Variants in CRTC3 observed in about 807,000 individuals in gnomAD.
CRTC3 encodes CREB regulated transcription coactivator 3.
Under a neutral mutation model 74.5 loss-of-function variants are expected in CRTC3, and 26 were observed. The ratio of observed to expected loss-of-function variants is 0.35; its 90% CI spans 0.26 to 0.48. The LOEUF is 0.48. Ranked by LOEUF, CRTC3 falls within the 20% of genes least tolerant of loss-of-function variation. The probability of loss-of-function intolerance (pLI) is 0.99; values close to 1 mark genes in which losing one functional copy is unlikely to be tolerated. For synonymous variants in CRTC3, 377 were observed against 325.8 expected (o/e 1.16, Z -1.69); for missense variants, 760 against 787.3 (o/e 0.97, Z 0.41).
chr15:90,587,906 G>T (rs1019297704), intron 2 of CRTC3, among the ~76,000 whole-genome samples: 2 of 151,546 alleles, frequency 1.3e-5, no homozygotes, highest in African/African-American at 4.8e-5. Context: ...GAGCCACTAT[G>T]CCTGGCTCCC....
At chr15:90,580,665 T>C (rs1433812027) in intron 2 of CRTC3, among the ~76,000 whole-genome samples, 2 of 152,118 alleles carry the variant, frequency 1.3e-5, no homozygotes, top group Non-Finnish European at 2.9e-5. Context: ...TGACCCCAGG[T>C]GATCCACCCG....
chr15:90,597,879 C>A (rs1474420107), intron 3 of CRTC3: 2 of 152,356 alleles, frequency 1.3e-5, no homozygotes, highest in African/African-American at 4.8e-5. Flanking sequence ...CACTCATATC[C>A]TCCCTTACAG....
intron 2 of CRTC3, among the ~76,000 whole-genome samples, chr15:90,571,136 G>A (rs770520358): frequency 1.3e-5 from 2 of 152,174 alleles, no homozygotes; most frequent in Non-Finnish European, 2.9e-5. Flanking sequence ...CTTGATGCTG[G>A]AGATACAATG....
At chr15:90,612,753 C>T (rs10438437) in intron 6 of CRTC3, among the ~76,000 whole-genome samples, 30,577 of 152,072 alleles carry the variant, frequency 0.2, 3,162 homozygotes, top group Middle Eastern at 0.22. Context: ...GTCCTTTTGA[C>T]GTTGCTGGTT....
intron 2 of CRTC3, among the ~76,000 whole-genome samples, chr15:90,555,534 T>C (rs761008191): frequency 6.6e-6 from 1 of 152,204 alleles, no homozygotes; most frequent in Non-Finnish European, 1.5e-5. Flanking sequence ...TTTTTTATTT[T>C]TGAGATGGAG....
intron 14 of CRTC3, 85 bp downstream of exon 14, chr15:90,641,284 A>G: frequency 1.1e-6 from 1 of 946,608 alleles, no homozygotes; most frequent in Non-Finnish European, 1.7e-6. Context: ...AAACAACATA[A>G]TATTATATAA....
intron 2 of CRTC3, among the ~76,000 whole-genome samples, chr15:90,580,629 A>G (rs1967517835): frequency 6.6e-6 from 1 of 151,834 alleles, no homozygotes; most frequent in Non-Finnish European, 1.5e-5. Flanking sequence ...GGGGTTCGTC[A>G]TCTGGCCAGG....
chr15:90,550,946 CAA>C (rs1006539383), intron 2 of CRTC3, among the ~76,000 whole-genome samples: 24 of 152,020 alleles, frequency 1.6e-4, no homozygotes, highest in African/African-American at 5.8e-4. Context: ...CGGAATGAAA[CAA>C]GAGAGGCTGA....
chr15:90,610,548 T>C (rs995707590), intron 6 of CRTC3, among the ~76,000 whole-genome samples: 1 of 152,230 alleles, frequency 6.6e-6, no homozygotes, highest in Non-Finnish European at 1.5e-5. Context: ...CAATTAGGCA[T>C]AAATGATAAG....
At chr15:90,588,899 C>T (rs1193103726) in intron 2 of CRTC3, among the ~76,000 whole-genome samples, 1 of 152,164 alleles carries the variant, frequency 6.6e-6, no homozygotes, top group African/African-American at 2.4e-5. Context: ...ATCATTTTGT[C>T]TTCTCAACAA....
rs1424109011 is a variant in CRTC3, at chr15:90,539,857, GA to G, written c.133-178del. 5.1e-6 allele frequency: 3 copies of G among 584,624 alleles called. No individual in the cohort carries two copies. The East Asian group carries it at 9.1e-5, about 18-fold the overall frequency. The allele number at this position is 584,624 out of a possible 1,614,324, so 36.2% of individuals were successfully genotyped here. ...TTTGGAACATGGGTAAGCTCTTTCC[GA>G]AAATAGAGTAATCAAAACCCAGAAA... On this transcript the variant is annotated intron_variant, in intron 1 of 14. Transcript: ENST00000268184.
In CRTC3 at chr15:90,641,206, G is replaced by A. The variant is rs761652586; in HGVS notation, c.1651+7G>A. ...CCGAACACCATCCTGCCAGGTGAGC[G>A]AGCTATCCCTCAGCTTCTTTACTGC... is the stretch of plus-strand genomic sequence containing the variant. On this transcript the variant is annotated splice_region_variant and intron_variant, in intron 14 of 14. Transcript: ENST00000268184. 82 of 1,581,892 alleles carry A rather than the reference G, an allele frequency of 5.2e-5. No individual in the cohort carries two copies. Among genetic ancestry groups the A allele is most frequent in the Middle Eastern group, 1.7e-4 (1 of 6,014 alleles).
chr15:90,604,611 T>TAG, intron 5 of CRTC3, 164 bp downstream of exon 5: 1 of 603,332 alleles, frequency 1.7e-6, no homozygotes, highest in South Asian at 2.0e-5. Flanking sequence ...GGGGAAAGTA[T>TAG]AGAGCACACG....
intron 6 of CRTC3, 52 bp from the exon 7 acceptor site, chr15:90,614,401 T>C (rs1303661224): frequency 7.4e-7 from 1 of 1,345,554 alleles, no homozygotes; most frequent in African/African-American, 1.4e-5. Flanking sequence ...TTCATGAAAA[T>C]GAAAGTACCA....
chr15:90,642,000 A>C lies in CRTC3; in HGVS notation c.1720A>C (p.Asn574His). ...ALAGLPEVSL[N>H]VDTPFPLEEE... ...GGCAGGCCTGCCTGAGGTCAGCCTG[A>C]ACGTGGACACTCCATTTCCACTGGA... Residue 574 changes from asparagine to histidine, a missense_variant, in exon 15 of 15, where the codon AAC becomes CAC. Around this residue, in one of 2 missense-constraint regions of CRTC3, gnomAD observed 652 missense variants for 635.2 expected, o/e 1.03. Coordinates refer to ENST00000268184, the MANE Select transcript of CRTC3 (RefSeq NM_022769.5). 1 of 1,613,908 alleles carries C rather than the reference A, an allele frequency of 6.2e-7. No individual in the cohort carries two copies. Among genetic ancestry groups the C allele is most frequent in the Non-Finnish European group, 8.5e-7 (1 of 1,179,990 alleles).
chr15:90,545,773 T>C (rs1476980163), intron 2 of CRTC3, among the ~76,000 whole-genome samples: 1 of 152,028 alleles, frequency 6.6e-6, no homozygotes, highest in African/African-American at 2.4e-5. Flanking sequence ...AGAGACGGGG[T>C]TTCACTGTGT....
chr15:90,642,744 A>C lies in CRTC3; in HGVS notation c.*604A>C. On this transcript the variant is annotated 3_prime_UTR_variant, in exon 15 of 15. Transcript: ENST00000268184. ...CTTGAGTTAGGCAGACTGAAGGCTA[A>C]TTTTCATTTTCTCCCAGCTGGTTTC... is the stretch of plus-strand genomic sequence containing the variant. 4.3e-6 allele frequency: 1 copy of C among 231,414 alleles called. No homozygotes were observed. Among genetic ancestry groups the C allele is most frequent in the Non-Finnish European group, 8.6e-6 (1 of 116,798 alleles). The allele number at this position is 231,414 out of a possible 1,614,324, so 14.3% of individuals were successfully genotyped here.
rs771307537 is a variant in CRTC3, at chr15:90,629,486, G to A, written c.1220G>A (p.Arg407Lys). The A allele has an allele frequency of 2.5e-6, 4 of 1,613,918 alleles. No individual in the cohort carries two copies. In the African/African-American group the frequency reaches 5.3e-5, roughly 22 times the overall value. The change falls in exon 11 of 15, where the codon AGA becomes AAA. Residue 407 changes from arginine (R) to lysine (K), a missense_variant. Coordinates refer to ENST00000268184, the MANE Select transcript of CRTC3 (RefSeq NM_022769.5). ...CCTGAAGCACATCAAGGTTTCAGCA[G>A]ACAGCTGTCTTCAACCAGCCCACTG... ...PGPEAHQGFS[R>K]QLSSTSPLAP...
At chr15:90,618,187 T>C (rs1039489670) in intron 8 of CRTC3, 6 of 283,712 alleles carry the variant, frequency 2.1e-5, no homozygotes, top group Non-Finnish European at 3.8e-5. Context: ...TTACTAATTT[T>C]CATATGAATT....
Sources: gnomAD v4.1 joint callset for allele counts (sites outside exome capture counted in the v4.1 genomes callset) on GRCh38, gnomAD v4.1.1 for gene constraint, gnomAD v4.1.1 regional missense constraint, MANE v1.5 for transcripts, NCBI Gene and HGNC (gene_info 2026-07-23, HGNC 2026-07-21) for gene names.